DOCK11: variants seen among roughly 807,000 people sequenced by gnomAD.
DOCK11 encodes dedicator of cytokinesis protein 11.
Under a neutral mutation model 169.1 loss-of-function variants are expected in DOCK11, and 70 were observed. That is an observed-to-expected ratio of 0.41 (90% confidence interval 0.34 to 0.51). DOCK11 has a LOEUF of 0.51. Among genes scored for constraint, DOCK11 ranks in the 20% least tolerant of loss-of-function variants. The pLI is 0.10. For missense variants in DOCK11, 1,166 were observed against 1,538.8 expected, an observed-to-expected ratio of 0.76 and a Z score of 4.05; for synonymous variants, 529 against 541.3, an observed-to-expected ratio of 0.98 and a Z score of 0.32.
chrX:118,582,866 A>G (rs1337460620), intron 14 of DOCK11, among the ~76,000 whole-genome samples: 1 of 112,129 alleles, frequency 8.9e-6, no homozygotes, highest in Non-Finnish European at 1.9e-5. Flanking sequence ...GTGGAAGACA[A>G]TGTCACGATC....
chrX:118,525,022 G>A (rs1690951728), intron 1 of DOCK11, among the ~76,000 whole-genome samples: 1 of 110,472 alleles, frequency 9.1e-6, no homozygotes, highest in South Asian at 3.9e-4. Context: ...GCGTGTGCCT[G>A]TAATCTCAGC....
chrX:118,683,417 A>C (rs1471105298), intron 52 of DOCK11, among the ~76,000 whole-genome samples, 200 bp downstream of exon 52: 1 of 112,429 alleles, frequency 8.9e-6, no homozygotes, highest in African/African-American at 3.2e-5. Flanking sequence ...TTAGTGATGC[A>C]GTTATCTGTA....
At chrX:118,586,274 A>G (rs1251704974) in intron 16 of DOCK11, among the ~76,000 whole-genome samples, 1 of 111,498 alleles carries the variant, frequency 9.0e-6, no homozygotes, top group Non-Finnish European at 1.9e-5. Flanking sequence ...ACTACCCAAG[A>G]CTGGGTAATT....
rs2016747299 is a variant in DOCK11 at position 118,681,690 on chromosome X, A to G, written c.5863-4A>G. The G allele has an allele frequency of 7.8e-6, 9 of 1,154,333 alleles. No homozygotes were observed. Among genetic ancestry groups the G allele is most frequent in the Admixed American group, 2.7e-5 (1 of 37,679 alleles). ...ACTCTCATTTTTCTTCTATTGTGAT[A>G]TAGGTCAATGCTGGTCCATTAGCAT... On this transcript the variant is annotated splice_region_variant and splice_polypyrimidine_tract_variant and intron_variant, in intron 50 of 52. Transcript: ENST00000276202.
chrX:118,645,844 C>T (rs1478043085), intron 40 of DOCK11, among the ~76,000 whole-genome samples: 1 of 98,190 alleles, frequency 1.0e-5, no homozygotes, highest in Non-Finnish European at 2.0e-5. Context: ...GTCAGGAGTT[C>T]GAGACCAGCT....
chrX:118,614,209 C>A (rs1235140123), intron 28 of DOCK11, among the ~76,000 whole-genome samples: 2 of 111,290 alleles, frequency 1.8e-5, no homozygotes, highest in Non-Finnish European at 3.8e-5. Context: ...CTTCACTGAA[C>A]ACAAAAACTC....
chrX:118,526,923 A>G (rs1474635790), intron 1 of DOCK11, among the ~76,000 whole-genome samples: 1 of 112,135 alleles, frequency 8.9e-6, no homozygotes, highest in Non-Finnish European at 1.9e-5. Context: ...TGTAAGCAGC[A>G]GTGAAGTAAT....
intron 1 of DOCK11, among the ~76,000 whole-genome samples, chrX:118,526,191 G>C (rs996432944): frequency 8.9e-6 from 1 of 112,005 alleles, no homozygotes; most frequent in African/African-American, 3.2e-5. Flanking sequence ...AGCTCCAGTC[G>C]TATGAAAGAT....
chrX:118,629,712 G>A (rs1047530197), intron 34 of DOCK11, among the ~76,000 whole-genome samples: 4 of 109,989 alleles, frequency 3.6e-5, no homozygotes, highest in Non-Finnish European at 3.8e-5. Flanking sequence ...GCAGTGACAC[G>A]ATCAGTGCTC....
chrX:118,531,183 C>T (rs748167262), intron 1 of DOCK11, among the ~76,000 whole-genome samples: 81 of 109,256 alleles, frequency 7.4e-4, no homozygotes, highest in Non-Finnish European at 1.2e-3. Flanking sequence ...AGGTTGGGTG[C>T]AGTGGCTCAT....
intron 14 of DOCK11, among the ~76,000 whole-genome samples, chrX:118,581,221 A>T (rs1189208684): frequency 9.0e-6 from 1 of 111,356 alleles, no homozygotes; most frequent in Non-Finnish European, 1.9e-5. Flanking sequence ...AGGGTAGGAG[A>T]TTCTAAGTTA....
chrX:118,573,752 C>G, intron 11 of DOCK11, 54 bp from the exon 12 acceptor site: 1 of 1,046,621 alleles, frequency 9.6e-7, no homozygotes, highest in Admixed American at 2.6e-5. Context: ...TGCCCCTCCC[C>G]GCCATGCCCC....
intron 1 of DOCK11, among the ~76,000 whole-genome samples, chrX:118,506,740 C>G (rs897891199): frequency 1.7e-4 from 19 of 111,942 alleles, no homozygotes; most frequent in Non-Finnish European, 1.1e-4. Context: ...AGAAATTATT[C>G]TTTTATATTT....
chrX:118,538,657 T>C, intron 1 of DOCK11: 1 of 746,445 alleles, frequency 1.3e-6, no homozygotes, highest in Non-Finnish European at 1.6e-6. Flanking sequence ...TTAGCACTGC[T>C]CCGGAACTGT....
At chrX:118,531,061 A>G (rs955601482) in intron 1 of DOCK11, among the ~76,000 whole-genome samples, 2 of 111,612 alleles carry the variant, frequency 1.8e-5, no homozygotes, top group African/African-American at 6.5e-5. Flanking sequence ...ATTGGAATGA[A>G]GAGCAACATG....
chrX:118,550,701 G>T (rs980266212), intron 6 of DOCK11, among the ~76,000 whole-genome samples: 15 of 111,220 alleles, frequency 1.3e-4, no homozygotes, highest in East Asian at 2.8e-4. Context: ...CTCTGTTACA[G>T]GGTGGGGGAT....
chrX:118,503,817 T>TA (rs1324644147), intron 1 of DOCK11, among the ~76,000 whole-genome samples: 1 of 110,996 alleles, frequency 9.0e-6, no homozygotes, highest in African/African-American at 3.3e-5. Flanking sequence ...TTTGCACCTT[T>TA]GGGGGTGATT....
At chrX:118,534,770 A>G (rs777800395) in intron 1 of DOCK11, among the ~76,000 whole-genome samples, 15 of 112,167 alleles carry the variant, frequency 1.3e-4, no homozygotes, top group Non-Finnish European at 2.4e-4. Context: ...TCCCTACACA[A>G]AAACTTCTGG....
chrX:118,507,994 A>G lies in DOCK11; in HGVS notation c.102+11921A>G, dbSNP rs143649878. Among the ~76,000 whole-genome samples, 178 of 108,833 alleles carry G rather than the reference A, an allele frequency of 1.6e-3. 2 individuals are homozygous for G. Among genetic ancestry groups the G allele is most frequent in the South Asian group, 0.011 (28 of 2,481 alleles). 94.5% of individuals were successfully genotyped at this position (108,833 alleles called of 115,157 possible). On this transcript the variant is annotated intron_variant, in intron 1 of 52. Coordinates refer to ENST00000276202, the MANE Select transcript of DOCK11 (RefSeq NM_144658.4). ...GTGGTTTTGGTGATGATCTCGCTCT[A>G]TTGGGAAACAGTGTTTATTTCTAAA... is the stretch of plus-strand genomic sequence containing the variant.
Sources: allele counts gnomAD v4.1 joint callset (sites outside exome capture counted in the v4.1 genomes callset), GRCh38; gene constraint gnomAD v4.1.1; transcripts MANE v1.5; gene names NCBI Gene and HGNC (gene_info 2026-07-23, HGNC 2026-07-21).